The following NRXN3 variants were observed in gnomAD, a reference collection of about 807,000 sequenced individuals.
NRXN3 encodes neurexin 3.
Under a neutral mutation model 137.6 loss-of-function variants are expected in NRXN3, and 32 were observed. The observed-to-expected ratio is 0.23, with a 90% CI of 0.18 to 0.31. The LOEUF (loss-of-function observed/expected upper bound fraction) is 0.31. Among genes scored for constraint, NRXN3 ranks in the 10% least tolerant of loss-of-function variants. The probability of loss-of-function intolerance (pLI) is 1.00; values close to 1 mark genes in which losing one functional copy is unlikely to be tolerated. For synonymous variants in NRXN3, 798 were observed against 784.5 expected, an observed-to-expected ratio of 1.02 and a Z score of -0.29; for missense variants, 1,574 against 2,062.5, an observed-to-expected ratio of 0.76 and a Z score of 4.59.
At chr14:78,260,597 A>G (rs996951333) in intron 2 of NRXN3, among the ~76,000 whole-genome samples, 2 of 152,216 alleles carry the variant, frequency 1.3e-5, no homozygotes, top group African/African-American at 4.8e-5. Context: ...TAATTGAATC[A>G]TGGGGGCAGG....
chr14:78,718,113 A>G (rs2098442643), intron 8 of NRXN3, among the ~76,000 whole-genome samples: 1 of 152,186 alleles, frequency 6.6e-6, no homozygotes, highest in South Asian at 2.1e-4. Flanking sequence ...AACAACATCA[A>G]CACAATCACT....
At chr14:79,162,812 A>G (rs2060919998) in intron 15 of NRXN3, among the ~76,000 whole-genome samples, 1 of 151,866 alleles carries the variant, frequency 6.6e-6, no homozygotes, top group Non-Finnish European at 1.5e-5. Flanking sequence ...GTGCCCTGGT[A>G]CTGAGGCTGT....
intron 4 of NRXN3, among the ~76,000 whole-genome samples, chr14:78,458,808 G>A (rs1387542346): frequency 1.3e-5 from 2 of 152,328 alleles, no homozygotes; most frequent in South Asian, 2.1e-4. Flanking sequence ...GGCTATGAAA[G>A]TATTCTCCAA....
chr14:79,305,717 A>G (rs1401034457), intron 15 of NRXN3, among the ~76,000 whole-genome samples: 5 of 152,066 alleles, frequency 3.3e-5, no homozygotes, highest in African/African-American at 1.2e-4. Flanking sequence ...TGACTGTTTC[A>G]AAGATTCCAC....
chr14:79,235,079 G>A (rs1422792890), intron 15 of NRXN3, among the ~76,000 whole-genome samples: 1 of 152,048 alleles, frequency 6.6e-6, no homozygotes, highest in Non-Finnish European at 1.5e-5. Context: ...GAAATTGAAT[G>A]AATTCCCCCT....
intron 4 of NRXN3, among the ~76,000 whole-genome samples, chr14:78,547,818 A>G (rs540850076): frequency 2.6e-4 from 39 of 152,254 alleles, no homozygotes; most frequent in Non-Finnish European, 4.4e-4. Flanking sequence ...TATTTTATAT[A>G]TAAATCAGTA....
chr14:78,261,168 C>T (rs925565629), intron 2 of NRXN3, among the ~76,000 whole-genome samples: 15 of 152,002 alleles, frequency 9.9e-5, no homozygotes, highest in African/African-American at 2.9e-4. Flanking sequence ...TGAATGGGGG[C>T]GGGGGGGCTC....
Position 78,653,710 on chromosome 14 carries a change from T to TACACACACACACACACACACACAC in NRXN3, c.1221+2394_1221+2417dup, listed in dbSNP as rs10650669. Reference sequence around the variant, plus strand: ...CATGTGGAAACAAAAGAAAATAAAATACACACACACACACACACACACACA... The same window carrying TACACACACACACACACACACACAC: ...CATGTGGAAACAAAAGAAAATAAAATACACACACACACACACACACACACACACACACACACACACACACACACA... On this transcript the variant is annotated intron_variant, in intron 6 of 20. Transcript: ENST00000335750. 2.4e-3 allele frequency among the ~76,000 whole-genome samples: 338 copies of TACACACACACACACACACACACAC among 143,002 alleles called. 6 individuals carry two copies. The East Asian group carries it at 0.026, about 11-fold the overall frequency. The allele number at this position is 143,002 out of a possible 152,430, so 93.8% of individuals were successfully genotyped here.
intron 15 of NRXN3, among the ~76,000 whole-genome samples, chr14:79,022,702 T>C (rs911657947): frequency 4.6e-5 from 7 of 152,190 alleles, no homozygotes; most frequent in Non-Finnish European, 5.9e-5. Context: ...TTGGTGTTGC[T>C]TGGATGAGGT....
chr14:78,571,255 G>A (rs916154747), intron 4 of NRXN3, among the ~76,000 whole-genome samples: 1 of 152,196 alleles, frequency 6.6e-6, no homozygotes, highest in African/African-American at 2.4e-5. Context: ...ATGGATTGGA[G>A]GATGAGTGAC....
At chr14:78,426,063 A>G (rs978125153) in intron 4 of NRXN3, among the ~76,000 whole-genome samples, 2 of 152,222 alleles carry the variant, frequency 1.3e-5, no homozygotes, top group Non-Finnish European at 2.9e-5. Context: ...TGAGGCCAGC[A>G]GGACCATCCT....
At chr14:78,218,346 A>C (rs568839263) in intron 1 of NRXN3, among the ~76,000 whole-genome samples, 1 of 152,136 alleles carries the variant, frequency 6.6e-6, no homozygotes, top group East Asian at 1.9e-4. Flanking sequence ...ACAAAGAAAG[A>C]CCCTATCGCT....
At chr14:78,508,572 G>A (rs2153786728) in intron 4 of NRXN3, among the ~76,000 whole-genome samples, 1 of 152,150 alleles carries the variant, frequency 6.6e-6, no homozygotes, top group African/African-American at 2.4e-5. Flanking sequence ...TCCAGGATAT[G>A]AGCTATTGAT....
At chr14:78,872,603 G>A (rs2099104235) in intron 10 of NRXN3, among the ~76,000 whole-genome samples, 1 of 152,010 alleles carries the variant, frequency 6.6e-6, no homozygotes, top group African/African-American at 2.4e-5. Flanking sequence ...ATTAGAAACT[G>A]TATAATTATA....
chr14:78,397,060 C>T (rs2091532112), intron 4 of NRXN3, among the ~76,000 whole-genome samples: 1 of 152,170 alleles, frequency 6.6e-6, no homozygotes, highest in East Asian at 1.9e-4. Context: ...TCTCCAAGTA[C>T]AGTTACGTTG....
chr14:79,350,671 A>G (rs983362977), intron 15 of NRXN3, among the ~76,000 whole-genome samples: 2 of 152,036 alleles, frequency 1.3e-5, no homozygotes, highest in Non-Finnish European at 2.9e-5. Flanking sequence ...CTTGATTCCT[A>G]TGGATATGAA....
At chr14:79,712,982 A>G (rs1313463992) in intron 19 of NRXN3, among the ~76,000 whole-genome samples, 1 of 152,164 alleles carries the variant, frequency 6.6e-6, no homozygotes, top group African/African-American at 2.4e-5. Flanking sequence ...GACATTGCTC[A>G]TCTGAAGAAT....
chr14:79,769,104 C>A (rs887366732), intron 19 of NRXN3, among the ~76,000 whole-genome samples: 21 of 151,614 alleles, frequency 1.4e-4, no homozygotes, highest in Non-Finnish European at 2.9e-4. Flanking sequence ...GCAAAGCCTC[C>A]AAGAAATATG....
chr14:78,721,133 A>G (rs2098457842), intron 8 of NRXN3, among the ~76,000 whole-genome samples: 1 of 152,188 alleles, frequency 6.6e-6, no homozygotes, highest in South Asian at 2.1e-4. Flanking sequence ...TATGACGCAC[A>G]TTTTATACCA....
Sources: gnomAD v4.1 joint callset for allele counts (sites outside exome capture counted in the v4.1 genomes callset) on GRCh38, gnomAD v4.1.1 for gene constraint, MANE v1.5 for transcripts, NCBI Gene and HGNC (gene_info 2026-07-23, HGNC 2026-07-21) for gene names.